GRIP2: variants seen among roughly 807,000 people sequenced by gnomAD.
GRIP2 encodes glutamate receptor interacting protein 2, also known as glutamate receptor-interacting protein 2.
A neutral mutation model predicts 108.3 loss-of-function variants in GRIP2; 58 were observed. That is an observed-to-expected ratio of 0.54 (90% confidence interval 0.43 to 0.67). The LOEUF is 0.67. Ranked by LOEUF, GRIP2 falls within the 30% of genes least tolerant of loss-of-function variation. The pLI is 0.00. For synonymous variants in GRIP2, 586 were observed against 598.2 expected, an observed-to-expected ratio of 0.98 and a Z score of 0.30; for missense variants, 1,278 against 1,430.6, an observed-to-expected ratio of 0.89 and a Z score of 1.72.
At chr3:14,513,567 G>A in intron 13 of GRIP2, 98 bp downstream of exon 13, 2 of 1,427,322 alleles carry the variant, frequency 1.4e-6, no homozygotes, top group South Asian at 2.7e-5. Context: ...GGGCACAGAG[G>A]GGGATGGGGT....
At chr3:14,554,646 G>T (rs1004365746) in intron 1 of GRIP2, among the ~76,000 whole-genome samples, 16 of 152,054 alleles carry the variant, frequency 1.1e-4, no homozygotes, top group African/African-American at 3.6e-4. Context: ...CTGCCCCACG[G>T]ACACCCACCC....
rs754611321 is a variant in GRIP2, at chr3:14,522,864, C to T, written c.566+136G>A. 9.8e-6 allele frequency: 7 copies of T among 717,096 alleles called. No individual in the cohort carries two copies. Among genetic ancestry groups the T allele is most frequent in the African/African-American group, 1.8e-5 (1 of 56,690 alleles). The allele number at this position is 717,096 out of a possible 1,614,324, so 44.4% of individuals were successfully genotyped here. On this transcript the variant is annotated intron_variant, in intron 6 of 23. Coordinates refer to ENST00000621039, the MANE Select transcript of GRIP2 (RefSeq NM_001080423.4). The surrounding 1 kb of genome is among the most constrained non-coding windows in gnomAD (Gnocchi z 4.3). ...GTTCCATCAACAACTCCCTGAATGACACCGGGCAGGGAGTGTTCCCTCAGG... is the reference window on the plus strand; with the variant it reads ...GTTCCATCAACAACTCCCTGAATGATACCGGGCAGGGAGTGTTCCCTCAGG...
intron 21 of GRIP2, among the ~76,000 whole-genome samples, chr3:14,501,092 A>G (rs1302298186): frequency 6.6e-6 from 1 of 152,236 alleles, no homozygotes; most frequent in Non-Finnish European, 1.5e-5. Flanking sequence ...CACAACATGA[A>G]GCTAAGTGAA....
At chr3:14,536,570 G>A (rs748855963) in intron 1 of GRIP2, among the ~76,000 whole-genome samples, 42 of 152,204 alleles carry the variant, frequency 2.8e-4, no homozygotes, top group Non-Finnish European at 5.9e-4. Flanking sequence ...ACCTGGAGAG[G>A]CCGCCACCCC....
In GRIP2 at chr3:14,510,592, A is replaced by AAAGAT. The variant is rs1199163052; in HGVS notation, c.1933+572_1933+573insATCTT. Among the ~76,000 whole-genome samples, 13 of 152,300 alleles carry AAAGAT rather than the reference A, an allele frequency of 8.5e-5. 1 individual carries two copies. The highest frequency in any genetic ancestry group is 6.5e-4 in the Admixed American group (10 of 15,302). On this transcript the variant is annotated intron_variant, in intron 16 of 23. Transcript: ENST00000621039. ...ACTTTTCTTAAAAGAAAAGAAAAGA[A>AAAGAT]AAGAAAAGAAATCTACCTCCCACAG...
At position 14,505,082 on chromosome 3, in the gene GRIP2, G is replaced by C. The variant is rs569968454; in HGVS notation, c.2573+533C>G. On this transcript the variant is annotated intron_variant, in intron 20 of 23. Coordinates refer to ENST00000621039, the MANE Select transcript of GRIP2 (RefSeq NM_001080423.4). This position sits in a 1 kb window ranked among gnomAD's most constrained non-coding sequence, Gnocchi z 4.2. ...AGTTTTGAGGGATGAGTAGGGATTT[G>C]CCAGGAGAGACCAGGGGAAAGGCAT... is the stretch of plus-strand genomic sequence containing the variant. Among the ~76,000 whole-genome samples, 251 of 152,266 alleles carry C rather than the reference G, an allele frequency of 1.6e-3. No individual in the cohort carries two copies. Among genetic ancestry groups the C allele is most frequent in the Non-Finnish European group, 3.0e-3 (203 of 67,990 alleles).
At chr3:14,495,685 A>G (rs1481407178) in intron 22 of GRIP2, among the ~76,000 whole-genome samples, 2 of 152,112 alleles carry the variant, frequency 1.3e-5, no homozygotes, top group Non-Finnish European at 2.9e-5. Flanking sequence ...GATTACAGGC[A>G]TGAGCCACCG....
chr3:14,493,976 C>T (rs1476707076), intron 23 of GRIP2, 150 bp from the exon 24 acceptor site: 1 of 702,042 alleles, frequency 1.4e-6, no homozygotes, highest in Non-Finnish European at 2.2e-6. Flanking sequence ...GAGGAACATT[C>T]TTCCTCTAAC....
At position 14,512,448 on chromosome 3, in the gene GRIP2, C is replaced by G. The variant is rs1694122332; in HGVS notation, c.1720+329G>C. On this transcript the variant is annotated intron_variant, in intron 14 of 23. Transcript: ENST00000621039. This position sits in a 1 kb window ranked among gnomAD's most constrained non-coding sequence, Gnocchi z 5.1. ...AGGCCTTTGCTGGGCTCTGAGAACA[C>G]AGAAGCAGGCAGAAAACCAAACCCA... Among the ~76,000 whole-genome samples the G allele has an allele frequency of 6.6e-6, 1 of 152,170 alleles. No individual in the cohort carries two copies. The highest frequency in any genetic ancestry group is 1.5e-5 in the Non-Finnish European group (1 of 68,038).
Position 14,505,669 on chromosome 3 carries a change from G to C in GRIP2, c.2519C>G (p.Ala840Gly). 1 of 1,608,202 alleles carries C rather than the reference G, an allele frequency of 6.2e-7. No individual in the cohort carries two copies. Among genetic ancestry groups the C allele is most frequent in the South Asian group, 1.1e-5 (1 of 89,788 alleles). The change falls in exon 20 of 24, where the codon GCT becomes GGT. Residue 840 changes from alanine (A) to glycine (G), a missense_variant. Ala to Gly is a moderately conservative substitution (Grantham distance 60, BLOSUM62 0). Transcript: ENST00000621039. This position sits in a 1 kb window ranked among gnomAD's most constrained non-coding sequence, Gnocchi z 4.2. ...PRRTSYTPTPADESFPEEEEE... is the reference protein window; with the variant it reads ...PRRTSYTPTPGDESFPEEEEE... Reference sequence around the variant, plus strand: ...CTCCTCCTCTGGAAAGCTCTCGTCAGCTGGGGTTGGGGTATAGCTCGTCCT... The same window carrying C: ...CTCCTCCTCTGGAAAGCTCTCGTCACCTGGGGTTGGGGTATAGCTCGTCCT...
upstream of GRIP2, chr3:14,540,449 G>T: frequency 1.3e-6 from 2 of 1,562,384 alleles, no homozygotes; most frequent in Non-Finnish European, 1.7e-6. The surrounding 1 kb of genome is among the most constrained non-coding windows in gnomAD (Gnocchi z 4.1). Context: ...CCACTGCAGC[G>T]GGCGGCTCTC....
rs778939326 is a variant in GRIP2 at position 14,517,156 on chromosome 3, T to C, written c.1214A>G (p.Asn405Ser). 6.2e-7 allele frequency: 1 copy of C among 1,606,678 alleles called. No individual in the cohort carries two copies. ...GGATCCACGGGGAAGGGTGCTGGGGTTGTTGCAGGAAAAGGCGTGGTTCAA... is the reference window on the plus strand; with the variant it reads ...GGATCCACGGGGAAGGGTGCTGGGGCTGTTGCAGGAAAAGGCGTGGTTCAA... ...PTLNHAFSCNNPSTLPRGSQP... is the reference protein window; with the variant it reads ...PTLNHAFSCNSPSTLPRGSQP... Residue 405 changes from asparagine to serine, a missense_variant, in exon 11 of 24, where the codon AAC becomes AGC. Coordinates refer to ENST00000621039, the MANE Select transcript of GRIP2 (RefSeq NM_001080423.4).
intron 23 of GRIP2, among the ~76,000 whole-genome samples, chr3:14,494,292 C>G (rs1302697306): frequency 6.6e-6 from 1 of 152,182 alleles, no homozygotes; most frequent in Non-Finnish European, 1.5e-5. Flanking sequence ...TTAGAGAAAA[C>G]ATGAATTGAG....
the GRIP2 span, among the ~76,000 whole-genome samples, chr3:14,589,107 T>C: frequency 1.3e-5 from 2 of 151,836 alleles, no homozygotes; most frequent in African/African-American, 2.4e-5. Context: ...GAGCATAAAC[T>C]GGAACAGCCT....
At chr3:14,538,160 A>G (rs1035847631) in intron 1 of GRIP2, among the ~76,000 whole-genome samples, 1 of 152,130 alleles carries the variant, frequency 6.6e-6, no homozygotes, top group African/African-American at 2.4e-5. Context: ...CCCAGCTCCA[A>G]TCGGGGCACT....
the GRIP2 span, among the ~76,000 whole-genome samples, chr3:14,583,473 G>A: frequency 1.3e-5 from 2 of 152,204 alleles, no homozygotes; most frequent in East Asian, 3.8e-4. Flanking sequence ...GTCTTGCCAA[G>A]CTCCAAGGGG....
chr3:14,562,067 C>T, the GRIP2 span, among the ~76,000 whole-genome samples: 1 of 152,142 alleles, frequency 6.6e-6, no homozygotes, highest in South Asian at 2.1e-4. Flanking sequence ...CAACATGTTG[C>T]GAGGTGAAAG....
At chr3:14,595,905 G>A in the GRIP2 span, among the ~76,000 whole-genome samples, 1 of 152,260 alleles carries the variant, frequency 6.6e-6, no homozygotes, top group Non-Finnish European at 1.5e-5. Flanking sequence ...CACTCACCTA[G>A]TGAGCACCTA....
At position 14,503,677 on chromosome 3, in the gene GRIP2, A is replaced by C. The variant is rs761123430; in HGVS notation, c.2574-6T>G. 2.3e-6 allele frequency: 3 copies of C among 1,326,922 alleles called. No homozygotes were observed. The African/African-American group carries it at 4.6e-5, about 20-fold the overall frequency. The allele number at this position is 1,326,922 out of a possible 1,614,324, so 82.2% of individuals were successfully genotyped here. A position where few individuals can be genotyped will look rare whatever the true frequency, so the allele number is the denominator to read the frequency against. Reference sequence around the variant, plus strand: ...GGGCAGGGCCAGGGGCTGGGCTGTAACGTAGGAACCAGAGAGCGTCAACTC... The same window carrying C: ...GGGCAGGGCCAGGGGCTGGGCTGTACCGTAGGAACCAGAGAGCGTCAACTC... On this transcript the variant is annotated splice_region_variant and splice_polypyrimidine_tract_variant and intron_variant, in intron 20 of 23. Transcript: ENST00000621039.
Sources: gnomAD v4.1 joint callset for allele counts (sites outside exome capture counted in the v4.1 genomes callset) on GRCh38, gnomAD v4.1.1 for gene constraint, Gnocchi (gnomAD v3.1) non-coding constraint, MANE v1.5 for transcripts, NCBI Gene and HGNC (gene_info 2026-07-23, HGNC 2026-07-21) for gene names.